Variants in ATP11B observed in about 807,000 individuals in gnomAD.
ATP11B encodes phospholipid-transporting ATPase IF.
Under a neutral mutation model 157.8 loss-of-function variants are expected in ATP11B, and 81 were observed. The ratio of observed to expected loss-of-function variants is 0.51; its 90% CI spans 0.43 to 0.62. The LOEUF is 0.62. Ranked by LOEUF, ATP11B falls within the 20% of genes least tolerant of loss-of-function variation. The pLI is 0.00. For missense variants in ATP11B, 1,165 were observed against 1,402.2 expected, an observed-to-expected ratio of 0.83 and a Z score of 2.70; for synonymous variants, 451 against 469.4, an observed-to-expected ratio of 0.96 and a Z score of 0.51.
chr3:182,845,434 A>G (rs1457929656), intron 8 of ATP11B, 24 bp from the exon 9 acceptor site: 1 of 1,581,326 alleles, frequency 6.3e-7, no homozygotes, highest in Non-Finnish European at 8.6e-7. Flanking sequence ...TCAGTGCTTT[A>G]TGGTTATTTT....
At chr3:182,879,359 C>T in intron 19 of ATP11B, 137 bp from the exon 20 acceptor site, 2 of 677,188 alleles carry the variant, frequency 3.0e-6, no homozygotes, top group African/African-American at 1.9e-5. Flanking sequence ...CAGTTTGTTT[C>T]CTGACATAAC....
intron 10 of ATP11B, among the ~76,000 whole-genome samples, chr3:182,852,753 C>T (rs1289555363): frequency 2.6e-5 from 4 of 152,140 alleles, no homozygotes; most frequent in Non-Finnish European, 5.9e-5. Flanking sequence ...ATCTGTAAAA[C>T]ATGGGAGAAA....
chr3:182,907,331 G>A (rs1724440668), intron 28 of ATP11B, among the ~76,000 whole-genome samples: 3 of 152,180 alleles, frequency 2.0e-5, no homozygotes, highest in Admixed American at 2.0e-4. Flanking sequence ...GGGAGAAGCA[G>A]TGATGAAACT....
At chr3:182,834,607 G>A (rs575475517) in intron 4 of ATP11B, among the ~76,000 whole-genome samples, 5 of 152,218 alleles carry the variant, frequency 3.3e-5, no homozygotes, top group African/African-American at 1.2e-4. Context: ...CTATACTTGT[G>A]CCGTATCTCT....
At chr3:182,879,680 A>G in intron 20 of ATP11B, 31 bp downstream of exon 20, 1 of 1,567,070 alleles carries the variant, frequency 6.4e-7, no homozygotes, top group Non-Finnish European at 8.6e-7. Flanking sequence ...AAAGTCCCAT[A>G]AAGCTATTTA....
intron 1 of ATP11B, among the ~76,000 whole-genome samples, chr3:182,797,429 C>T (rs895947643): frequency 5.9e-5 from 9 of 152,118 alleles, no homozygotes; most frequent in South Asian, 2.1e-4. Flanking sequence ...AAAACCTGGC[C>T]GGGCAAGGTG....
chr3:182,911,439 G>A (rs952904251), intron 28 of ATP11B, among the ~76,000 whole-genome samples: 1 of 151,954 alleles, frequency 6.6e-6, no homozygotes, highest in Non-Finnish European at 1.5e-5. Flanking sequence ...TATGGTAAAG[G>A]GGTTTGGGCT....
intron 28 of ATP11B, among the ~76,000 whole-genome samples, chr3:182,903,787 T>G (rs1435374362): frequency 6.6e-6 from 1 of 152,218 alleles, no homozygotes; most frequent in Non-Finnish European, 1.5e-5. Flanking sequence ...AGCATCTAAT[T>G]GTTTAAAGCA....
chr3:182,871,238 T>C (rs1253460163), intron 17 of ATP11B, among the ~76,000 whole-genome samples: 2 of 147,584 alleles, frequency 1.4e-5, no homozygotes, highest in Non-Finnish European at 3.0e-5. Context: ...TTCAAGGCTA[T>C]AGTAAGCCAA....
At chr3:182,852,466 CTT>C (rs1720056063) in intron 10 of ATP11B, among the ~76,000 whole-genome samples, 1 of 152,196 alleles carries the variant, frequency 6.6e-6, no homozygotes, top group Non-Finnish European at 1.5e-5. Context: ...TTGTCACTGA[CTT>C]TTACAATTTA....
chr3:182,869,411 A>G, intron 17 of ATP11B, 80 bp downstream of exon 17: 1 of 990,518 alleles, frequency 1.0e-6, no homozygotes, highest in South Asian at 1.7e-5. Context: ...CTTATAATTT[A>G]TCAAAAATTG....
At chr3:182,874,147 T>C in intron 19 of ATP11B, 132 bp downstream of exon 19, 1 of 694,526 alleles carries the variant, frequency 1.4e-6, no homozygotes, top group Non-Finnish European at 2.4e-6. Flanking sequence ...TTACATTTTT[T>C]GATAGATGAA....
At position 182,859,339 on chromosome 3, in the gene ATP11B, C is replaced by G; in HGVS notation, c.1180C>G (p.Leu394Val). Residue 394 changes from leucine to valine, a missense_variant, in exon 12 of 30, where the codon CTG becomes GTG. Coordinates refer to ENST00000323116, the MANE Select transcript of ATP11B (RefSeq NM_014616.3). ...GAAAGCTCAAGTCAATACTTCCGATCTGAATGAAGAGCTTGGACAGGTGAA... is the reference window on the plus strand; with the variant it reads ...GAAAGCTCAAGTCAATACTTCCGATGTGAATGAAGAGCTTGGACAGGTGAA... ...DQKAQVNTSD[L>V]NEELGQVEYV... The G allele has an allele frequency of 6.2e-7, 1 of 1,602,836 alleles. No individual in the cohort carries two copies. Among genetic ancestry groups the G allele is most frequent in the Non-Finnish European group, 8.5e-7 (1 of 1,173,970 alleles).
intron 1 of ATP11B, among the ~76,000 whole-genome samples, chr3:182,794,613 T>C (rs1184402649): frequency 1.3e-5 from 2 of 152,156 alleles, no homozygotes; most frequent in Admixed American, 6.5e-5. Flanking sequence ...CAAAAAATCT[T>C]AGAAAAGGGT....
At chr3:182,880,173 T>G (rs1309849256) in intron 20 of ATP11B, among the ~76,000 whole-genome samples, 5 of 152,228 alleles carry the variant, frequency 3.3e-5, no homozygotes, top group Non-Finnish European at 5.9e-5. Context: ...TATAAACATT[T>G]TTTATAATTC....
chr3:182,795,995 C>T (rs1454370659), intron 1 of ATP11B, among the ~76,000 whole-genome samples: 1 of 152,084 alleles, frequency 6.6e-6, no homozygotes, highest in Non-Finnish European at 1.5e-5. Flanking sequence ...TTATATGAAT[C>T]CCGATTTTCA....
chr3:182,813,932 G>A (rs1010634548), intron 1 of ATP11B, among the ~76,000 whole-genome samples: 2 of 152,012 alleles, frequency 1.3e-5, no homozygotes, highest in Non-Finnish European at 1.5e-5. Context: ...TTCCCATGTT[G>A]CCCAGGCTGT....
chr3:182,820,171 A>G (rs1027205154), intron 1 of ATP11B, 89 bp from the exon 2 acceptor site: 3 of 862,828 alleles, frequency 3.5e-6, no homozygotes, highest in Non-Finnish European at 5.9e-6. Flanking sequence ...AATATATGTA[A>G]TCTGACCAGC....
intron 7 of ATP11B, among the ~76,000 whole-genome samples, chr3:182,839,094 T>C (rs981392134): frequency 3.9e-5 from 6 of 152,128 alleles, no homozygotes; most frequent in Admixed American, 3.3e-4. Context: ...CAGAATACTA[T>C]GTAGGCACAA....
Sources: gnomAD v4.1 joint callset for allele counts (sites outside exome capture counted in the v4.1 genomes callset) on GRCh38, gnomAD v4.1.1 for gene constraint, MANE v1.5 for transcripts, NCBI Gene and HGNC (gene_info 2026-07-23, HGNC 2026-07-21) for gene names.